PLA2G2F: variants seen among roughly 807,000 people sequenced by gnomAD.
PLA2G2F encodes the protein phospholipase A2 group IIF, also known as group IIF secretory phospholipase A2.
A neutral mutation model predicts 15.9 loss-of-function variants in PLA2G2F; 17 were observed. The ratio of observed to expected loss-of-function variants is 1.07; its 90% CI spans 0.73 to 1.60. PLA2G2F has a LOEUF of 1.60. Ranked by LOEUF, PLA2G2F falls within the 40% of genes most tolerant of loss-of-function variation. The pLI is 0.00. For synonymous variants in PLA2G2F, 119 were observed against 106.5 expected (o/e 1.12, Z -0.72); for missense variants, 299 against 278.2 (o/e 1.07, Z -0.53).
Position 20,139,390 on chromosome 1 carries a change from T to C in PLA2G2F, c.-38T>C. The C allele has an allele frequency of 2.0e-6, 3 of 1,497,874 alleles. No individual in the cohort carries two copies. Among genetic ancestry groups the C allele is most frequent in the African/African-American group, 1.4e-5 (1 of 72,004 alleles). 92.8% of individuals were successfully genotyped at this position (1,497,874 alleles called of 1,614,324 possible). A position where few individuals can be genotyped will look rare whatever the true frequency, so the allele number is the denominator to read the frequency against. On this transcript the variant is annotated 5_prime_UTR_variant, in exon 1 of 5. Transcript: ENST00000375102. ...AGCCTCTGGAGCGCATCTCAGACCT[T>C]CTGAGACCTATGTTGCTGGCCCCCC...
chr1:20,143,556 G>T lies in PLA2G2F; in HGVS notation c.280G>T (p.Gly94Trp), dbSNP rs1402765730. 1.2e-6 allele frequency: 2 copies of T among 1,613,924 alleles called. No homozygotes were observed. The highest frequency in any genetic ancestry group is 4.5e-5 in the East Asian group (2 of 44,882). The change falls in exon 3 of 5, where the codon GGG (glycine) becomes TGG (tryptophan). Residue 94 changes from glycine to tryptophan, a missense_variant. Physicochemically the swap from Gly to Trp is radical, Grantham distance 184. Coordinates refer to ENST00000375102, the MANE Select transcript of PLA2G2F (RefSeq NM_022819.4). ...GGGCTACGGTTGCTACTGTGGGCTGGGGGGCCGTGGCCAGCCCAAGGATGA... is the reference window on the plus strand; with the variant it reads ...GGGCTACGGTTGCTACTGTGGGCTGTGGGGCCGTGGCCAGCCCAAGGATGA... Reference protein sequence around the residue: ...FVGYGCYCGLGGRGQPKDEVD... With the variant: ...FVGYGCYCGLWGRGQPKDEVD...
rs2017516066 is a variant in PLA2G2F, at chr1:20,143,380, A to G, written c.170-66A>G. The stretch of plus-strand genomic sequence containing the variant: ...AGGATGGTCAGTCCAGACTCTCAGG[A>G]TGAGAGAGGCTGGGAGCGGCCAGCC... On this transcript the variant is annotated intron_variant, in intron 2 of 4. Transcript: ENST00000375102. 5 of 1,571,754 alleles carry G rather than the reference A, an allele frequency of 3.2e-6. No individual in the cohort carries two copies. In the East Asian group the frequency reaches 6.8e-5, roughly 21 times the overall value.
intron 2 of PLA2G2F, 42 bp from the exon 3 acceptor site, chr1:20,143,404 C>T (rs759832820): frequency 1.9e-6 from 3 of 1,600,362 alleles, no homozygotes; most frequent in South Asian, 2.2e-5. Flanking sequence ...GAGCGGCCAG[C>T]CCCGGGGCAG....
intron 3 of PLA2G2F, 24 bp downstream of exon 3, chr1:20,143,614 C>T (rs746873960): frequency 1.2e-6 from 2 of 1,608,778 alleles, no homozygotes; most frequent in Non-Finnish European, 1.7e-6. Context: ...GCCTGGGCTC[C>T]TGTCAGGGGC....
chr1:20,140,109 C>T (rs561612121), intron 1 of PLA2G2F, 57 bp from the exon 2 acceptor site: 1 of 1,578,942 alleles, frequency 6.3e-7, no homozygotes, highest in Admixed American at 1.7e-5. Context: ...GCAGCAGGTC[C>T]AACACTGCCA....
chr1:20,145,997 A>G (rs1385735146), intron 4 of PLA2G2F, among the ~76,000 whole-genome samples: 1 of 152,218 alleles, frequency 6.6e-6, no homozygotes, highest in Non-Finnish European at 1.5e-5. Flanking sequence ...CTGTGGCTTG[A>G]GAACATCTCC....
chr1:20,146,722 G>A (rs1171803312), intron 4 of PLA2G2F, among the ~76,000 whole-genome samples: 1 of 152,178 alleles, frequency 6.6e-6, no homozygotes, highest in East Asian at 1.9e-4. Context: ...AGACTGGGGT[G>A]CACTTGGGAC....
intron 2 of PLA2G2F, 156 bp from the exon 3 acceptor site, chr1:20,143,290 C>A: frequency 2.2e-6 from 2 of 921,806 alleles, no homozygotes; most frequent in Non-Finnish European, 3.3e-6. Context: ...TAGCTGCCCA[C>A]GCTTCTTGCC....
Position 20,139,376 on chromosome 1 carries a change from C to A in PLA2G2F, c.-52C>A, listed in dbSNP as rs2017404883. 5.8e-6 allele frequency: 8 copies of A among 1,374,664 alleles called. No individual in the cohort carries two copies. The highest frequency in any genetic ancestry group is 2.0e-5 in the Admixed American group (1 of 50,572). The allele number at this position is 1,374,664 out of a possible 1,614,324, so 85.2% of individuals were successfully genotyped here. On this transcript the variant is annotated 5_prime_UTR_variant, in exon 1 of 5. Coordinates refer to ENST00000375102, the MANE Select transcript of PLA2G2F (RefSeq NM_022819.4). ...GGCCTGCTCCCCGCAGCCTCTGGAG[C>A]GCATCTCAGACCTTCTGAGACCTAT...
chr1:20,146,556 G>C (rs900477421), intron 4 of PLA2G2F, among the ~76,000 whole-genome samples: 1 of 152,204 alleles, frequency 6.6e-6, no homozygotes, highest in African/African-American at 2.4e-5. Context: ...CTCTGGGAGA[G>C]GACTCCCCCT....
intron 4 of PLA2G2F, among the ~76,000 whole-genome samples, chr1:20,146,094 T>C (rs1253463514): frequency 2.0e-5 from 3 of 152,246 alleles, no homozygotes; most frequent in African/African-American, 4.8e-5. Flanking sequence ...TCCGTGGGTG[T>C]TGGTGGGGCC....
chr1:20,143,476 A>G lies in PLA2G2F; in HGVS notation c.200A>G (p.Asn67Ser), dbSNP rs774266848. ...TCCACAGCTCACGGCAGCCTGCTCA[A>G]CCTGAAGGCCATGGTGGAGGCCGTC... ...VLSTAHGSLL[N>S]LKAMVEAVTG... The change falls in exon 3 of 5, where the codon AAC (asparagine) becomes AGC (serine). Residue 67 changes from asparagine to serine, a missense_variant. By Grantham distance (46) the Asn-to-Ser change is conservative (BLOSUM62 1). Transcript: ENST00000375102. The G allele has an allele frequency of 6.2e-7, 1 of 1,613,994 alleles. No individual in the cohort carries two copies. Among genetic ancestry groups the G allele is most frequent in the Non-Finnish European group, 8.5e-7 (1 of 1,179,938 alleles).
chr1:20,143,638 C>T (rs1261347168), intron 3 of PLA2G2F, 48 bp downstream of exon 3: 1 of 1,596,596 alleles, frequency 6.3e-7, no homozygotes, highest in South Asian at 1.1e-5. Context: ...ATGAGGACAG[C>T]TGAAGGTCAG....
intron 1 of PLA2G2F, 55 bp from the exon 2 acceptor site, chr1:20,140,111 A>G: frequency 6.3e-7 from 1 of 1,586,136 alleles, no homozygotes; most frequent in South Asian, 1.1e-5. Flanking sequence ...AGCAGGTCCA[A>G]CACTGCCAAG....
intron 4 of PLA2G2F, among the ~76,000 whole-genome samples, chr1:20,144,909 G>A (rs530919914): frequency 1.3e-5 from 2 of 152,220 alleles, no homozygotes; most frequent in South Asian, 2.1e-4. Flanking sequence ...AAAACCCGTC[G>A]CTAGTAAAAA....
intron 1 of PLA2G2F, among the ~76,000 whole-genome samples, chr1:20,139,766 G>A (rs372230015): frequency 9.2e-5 from 14 of 152,208 alleles, no homozygotes; most frequent in African/African-American, 2.7e-4. Context: ...TTTTGGAAGC[G>A]GTGCTGGGAC....
chr1:20,139,550 G>T lies in PLA2G2F; in HGVS notation c.116+7G>T, dbSNP rs2017417846. ...GTCCTTCAAGAACCTCCAGGTAGGT[G>T]CCTGTTGCCCTGAGATGGAATCCTC... On this transcript the variant is annotated splice_region_variant and intron_variant, in intron 1 of 4. Transcript: ENST00000375102. 1.3e-6 allele frequency: 2 copies of T among 1,504,346 alleles called. No individual in the cohort carries two copies. The highest frequency in any genetic ancestry group is 2.8e-5 in the African/African-American group (2 of 71,302). The allele number at this position is 1,504,346 out of a possible 1,614,324, so 93.2% of individuals were successfully genotyped here.
rs2017661830 is a variant in PLA2G2F at position 20,148,496 on chromosome 1, G to C, written c.*95G>C. On this transcript the variant is annotated 3_prime_UTR_variant, in exon 5 of 5. Coordinates refer to ENST00000375102, the MANE Select transcript of PLA2G2F (RefSeq NM_022819.4). The stretch of plus-strand genomic sequence containing the variant: ...GTAGGAGCCAGGCCAGGAGCCTGAG[G>C]GTTGCTGGTTGCCTCCTCCCTGGAG... 9.7e-7 allele frequency: 1 copy of C among 1,027,390 alleles called. No homozygotes were observed. Among genetic ancestry groups the C allele is most frequent in the African/African-American group, 1.6e-5 (1 of 63,064 alleles). The allele number at this position is 1,027,390 out of a possible 1,614,324, so 63.6% of individuals were successfully genotyped here.
chr1:20,141,758 A>G (rs1010207990), intron 2 of PLA2G2F: 1 of 152,212 alleles, frequency 6.6e-6, no homozygotes, highest in Non-Finnish European at 1.5e-5. Context: ...TCAACCTCCA[A>G]GGTGCCCTGC....
Sources: gnomAD v4.1 joint callset for allele counts (sites outside exome capture counted in the v4.1 genomes callset) on GRCh38, gnomAD v4.1.1 for gene constraint, MANE v1.5 for transcripts, NCBI Gene and HGNC (gene_info 2026-07-23, HGNC 2026-07-21) for gene names.